The following TRABD2B variants were observed in gnomAD, a reference collection of about 807,000 sequenced individuals.
TRABD2B encodes the protein TraB domain containing 2B.
TRABD2B carries 14 observed loss-of-function variants against 40.1 expected under a neutral mutation model. That is an observed-to-expected ratio of 0.35 (90% CI 0.23 to 0.55). The LOEUF is 0.55. Ranked by LOEUF, TRABD2B falls within the 20% of genes least tolerant of loss-of-function variation. TRABD2B has a pLI of 0.90. For missense variants in TRABD2B, 541 were observed against 648.6 expected (o/e 0.83, Z 1.80); for synonymous variants, 263 against 277.0 (o/e 0.95, Z 0.50).
intron 2 of TRABD2B, among the ~76,000 whole-genome samples, chr1:47,931,132 G>A: frequency 6.6e-6 from 1 of 152,208 alleles, no homozygotes; most frequent in East Asian, 1.9e-4. Flanking sequence ...CAGAACAAAT[G>A]GGTGAAGGAA....
At chr1:47,895,075 G>A (rs1278122411) in intron 2 of TRABD2B, among the ~76,000 whole-genome samples, 2 of 152,098 alleles carry the variant, frequency 1.3e-5, no homozygotes, top group East Asian at 1.9e-4. Context: ...CAGCCCTCAG[G>A]ACAAAATCAT....
intron 2 of TRABD2B, among the ~76,000 whole-genome samples, chr1:47,942,774 TTTA>T (rs1311052840): frequency 4.6e-5 from 7 of 152,172 alleles, no homozygotes; most frequent in African/African-American, 1.7e-4. Context: ...TTACACTTAT[TTTA>T]CAGTTGAAGT....
At chr1:47,903,708 G>A (rs1463935379) in intron 2 of TRABD2B, among the ~76,000 whole-genome samples, 7 of 152,196 alleles carry the variant, frequency 4.6e-5, no homozygotes, top group African/African-American at 7.2e-5. Flanking sequence ...CCAGATTGCA[G>A]GCAGGTGGAG....
At chr1:47,883,855 G>T (rs545585272) in intron 2 of TRABD2B, among the ~76,000 whole-genome samples, 2 of 152,152 alleles carry the variant, frequency 1.3e-5, no homozygotes, top group Non-Finnish European at 2.9e-5. Flanking sequence ...AGTAAAAAAT[G>T]TGCTCAAAGC....
intron 2 of TRABD2B, among the ~76,000 whole-genome samples, chr1:47,959,901 C>T (rs1302523039): frequency 6.6e-6 from 1 of 152,124 alleles, no homozygotes; most frequent in Admixed American, 6.5e-5. Context: ...GGCAGAGACA[C>T]ACACACAAAA....
chr1:47,915,809 G>A (rs750051728), intron 2 of TRABD2B, among the ~76,000 whole-genome samples: 9 of 152,162 alleles, frequency 5.9e-5, no homozygotes, highest in African/African-American at 1.4e-4. Flanking sequence ...TCCCTGTGCC[G>A]GACCCTGGGA....
intron 2 of TRABD2B, among the ~76,000 whole-genome samples, chr1:47,847,873 T>C (rs1287483524): frequency 6.6e-6 from 1 of 152,228 alleles, no homozygotes; most frequent in African/African-American, 2.4e-5. Context: ...TGATAGCGCC[T>C]CATTACAGCC....
chr1:47,995,476 G>A (rs905937406), intron 1 of TRABD2B, among the ~76,000 whole-genome samples: 1 of 151,076 alleles, frequency 6.6e-6, no homozygotes. Context: ...TATGACCTAA[G>A]CTCCGACTTA....
chr1:47,910,406 C>T (rs1326191827), intron 2 of TRABD2B, among the ~76,000 whole-genome samples: 1 of 152,222 alleles, frequency 6.6e-6, no homozygotes, highest in African/African-American at 2.4e-5. Flanking sequence ...TGTCAGCTTT[C>T]ACAGCTCTGT....
chr1:47,972,039 C>T (rs891450917), intron 2 of TRABD2B, among the ~76,000 whole-genome samples: 22 of 152,160 alleles, frequency 1.4e-4, no homozygotes, highest in African/African-American at 5.1e-4. Flanking sequence ...CACACAAAGA[C>T]AGGGCCAAGC....
chr1:47,848,394 G>A (rs1176185099), intron 2 of TRABD2B, among the ~76,000 whole-genome samples: 3 of 152,168 alleles, frequency 2.0e-5, no homozygotes, highest in African/African-American at 7.2e-5. Flanking sequence ...GGCTCAGGCT[G>A]TAACCAGGAT....
At chr1:47,839,698 T>G (rs1425209784) in intron 2 of TRABD2B, among the ~76,000 whole-genome samples, 1 of 152,198 alleles carries the variant, frequency 6.6e-6, no homozygotes. Context: ...GTGGGAACTT[T>G]GGGCAACACT....
intron 2 of TRABD2B, among the ~76,000 whole-genome samples, chr1:47,896,678 C>CT (rs1220403381): frequency 1.3e-5 from 2 of 152,210 alleles, no homozygotes; most frequent in African/African-American, 4.8e-5. Flanking sequence ...CTCACCCTCT[C>CT]TGAGGTACCT....
intron 2 of TRABD2B, among the ~76,000 whole-genome samples, chr1:47,811,782 C>T (rs1164265386): frequency 6.6e-6 from 1 of 152,192 alleles, no homozygotes; most frequent in African/African-American, 2.4e-5. Flanking sequence ...GGCTCTGACC[C>T]AGACCAGCTG....
Position 47,764,295 on chromosome 1 carries a change from A to G in TRABD2B, c.*1607T>C, listed in dbSNP as rs762857796. 6 of 152,030 alleles carry G rather than the reference A, an allele frequency of 3.9e-5. No individual in the cohort carries two copies. Among genetic ancestry groups the G allele is most frequent in the Non-Finnish European group, 7.4e-5 (5 of 67,984 alleles). 9.4% of individuals were successfully genotyped at this position (152,030 alleles called of 1,614,324 possible). ...CTCTGTGGGCCTTATTATTCCTCCT[A>G]CTGTTACTATTATCCATCAAGTGAA... On this transcript the variant is annotated 3_prime_UTR_variant, in exon 7 of 7. Transcript: ENST00000606738.
At chr1:47,931,406 C>T (rs1032080432) in intron 2 of TRABD2B, among the ~76,000 whole-genome samples, 5 of 152,034 alleles carry the variant, frequency 3.3e-5, no homozygotes, top group African/African-American at 1.2e-4. Flanking sequence ...GCTGAGAAGA[C>T]CTTTGGCAGG....
At chr1:47,934,475 G>T (rs1233307635) in intron 2 of TRABD2B, among the ~76,000 whole-genome samples, 2 of 152,250 alleles carry the variant, frequency 1.3e-5, no homozygotes, top group Non-Finnish European at 2.9e-5. Flanking sequence ...GAGGCAGGAG[G>T]CCTTGGCTGC....
chr1:47,828,119 A>G (rs1336808726), intron 2 of TRABD2B, among the ~76,000 whole-genome samples: 1 of 152,184 alleles, frequency 6.6e-6, no homozygotes, highest in East Asian at 1.9e-4. Context: ...AAACGGGAGC[A>G]TAAGGGCTCA....
intron 2 of TRABD2B, among the ~76,000 whole-genome samples, chr1:47,946,427 TG>T (rs1645260946): frequency 6.6e-6 from 1 of 152,202 alleles, no homozygotes; most frequent in Non-Finnish European, 1.5e-5. Context: ...CCTAGTTTAC[TG>T]AGAGTTTTTA....
Sources: allele counts gnomAD v4.1 joint callset (sites outside exome capture counted in the v4.1 genomes callset), GRCh38; gene constraint gnomAD v4.1.1; transcripts MANE v1.5; gene names NCBI Gene and HGNC (gene_info 2026-07-23, HGNC 2026-07-21).